The following PACRG variants were observed in gnomAD, a reference collection of about 807,000 sequenced individuals.
PACRG encodes the protein parkin coregulated.
A neutral mutation model predicts 29.7 loss-of-function variants in PACRG; 29 were observed. The observed-to-expected ratio is 0.98, with a 90% CI of 0.73 to 1.33. PACRG has a LOEUF of 1.33. Among genes scored for constraint, PACRG ranks in the 40% most tolerant of loss-of-function variants. The probability of loss-of-function intolerance (pLI) is 0.00; values close to 1 mark genes in which losing one functional copy is unlikely to be tolerated. For missense variants in PACRG, 279 were observed against 316.2 expected (o/e 0.88, Z 0.89); for synonymous variants, 116 against 118.7 (o/e 0.98, Z 0.15).
At chr6:162,735,687 A>G (rs1780113578) in intron 1 of PACRG, among the ~76,000 whole-genome samples, 2 of 151,914 alleles carry the variant, frequency 1.3e-5, no homozygotes, top group Non-Finnish European at 1.5e-5. Flanking sequence ...ACAGTTACCC[A>G]CTCTGTGAGT....
intron 2 of PACRG, among the ~76,000 whole-genome samples, chr6:163,026,600 T>C (rs1389939522): frequency 6.6e-6 from 1 of 152,216 alleles, no homozygotes; most frequent in Non-Finnish European, 1.5e-5. Flanking sequence ...AGGAGTCCGC[T>C]AAGGTCACCT....
chr6:163,271,743 C>G (rs749943507), intron 4 of PACRG, among the ~76,000 whole-genome samples: 1 of 152,142 alleles, frequency 6.6e-6, no homozygotes, highest in Non-Finnish European at 1.5e-5. Context: ...AAAGAATGTT[C>G]CTGGCAATTG....
chr6:162,732,900 C>G (rs537840690), intron 1 of PACRG, among the ~76,000 whole-genome samples: 7 of 152,218 alleles, frequency 4.6e-5, no homozygotes, highest in African/African-American at 1.2e-4. Flanking sequence ...TGATCTAATC[C>G]CATTCTGTGT....
At chr6:162,935,627 C>T (rs1162128560) in intron 2 of PACRG, among the ~76,000 whole-genome samples, 1 of 151,504 alleles carries the variant, frequency 6.6e-6, no homozygotes, top group Non-Finnish European at 1.5e-5. Context: ...TCTTCTGTAA[C>T]CTGTTGAGTT....
chr6:163,290,111 C>G (rs898825514), intron 4 of PACRG, among the ~76,000 whole-genome samples: 2 of 152,102 alleles, frequency 1.3e-5, no homozygotes, highest in Non-Finnish European at 2.9e-5. Flanking sequence ...CTGCCCACTT[C>G]GGCCTCCCAG....
chr6:162,728,342 C>G lies in PACRG; in HGVS notation c.107C>G (p.Ser36Cys). ...CCGCTCCCGGTGCACCAGCCTCACT[C>G]TCTGGTTTCTGAGGGTTTCACAGTC... The part of the protein sequence containing the change: ...QQPLPVHQPH[S>C]LVSEGFTVKA... The change falls in exon 1 of 5, where the codon TCT becomes TGT. Residue 36 changes from serine to cysteine, a missense_variant. By Grantham distance (112) the Ser-to-Cys change is moderately radical (BLOSUM62 -1). Transcript: ENST00000366888. 2 of 1,613,942 alleles carry G rather than the reference C, an allele frequency of 1.2e-6. No individual in the cohort carries two copies. The highest frequency in any genetic ancestry group is 1.7e-6 in the Non-Finnish European group (2 of 1,180,036).
chr6:163,063,305 G>T (rs900433577), intron 3 of PACRG, among the ~76,000 whole-genome samples: 2 of 152,082 alleles, frequency 1.3e-5, no homozygotes, highest in African/African-American at 4.8e-5. Flanking sequence ...ATGGCTTCGA[G>T]GGGTGAGGAG....
chr6:162,950,365 G>A (rs570361595), intron 2 of PACRG, among the ~76,000 whole-genome samples: 15 of 152,134 alleles, frequency 9.9e-5, no homozygotes, highest in South Asian at 8.3e-4. Flanking sequence ...AAAATTAGCC[G>A]GGCGTGGTGG....
At chr6:163,137,647 G>A (rs34489871) in intron 4 of PACRG, among the ~76,000 whole-genome samples, 32,628 of 152,064 alleles carry the variant, frequency 0.21, 3,597 homozygotes, top group African/African-American at 0.27. Flanking sequence ...CCACCCGGCC[G>A]CACTCCAAGT....
At position 163,274,738 on chromosome 6, in the gene PACRG, T is replaced by C. The variant is rs375291662; in HGVS notation, c.614-40089T>C. On this transcript the variant is annotated intron_variant, in intron 4 of 4. Coordinates refer to ENST00000366888, the MANE Select transcript of PACRG (RefSeq NM_001080379.2). ...TGATCACCGTTCTGTTGTTTTCTAT[T>C]CGTTCTATAATTTGGGACTGTACTT... 2.6e-5 allele frequency among the ~76,000 whole-genome samples: 4 copies of C among 152,224 alleles called. No individual in the cohort carries two copies. The South Asian group carries it at 6.2e-4, about 24-fold the overall frequency.
chr6:162,810,779 G>T (rs1383799399), intron 1 of PACRG, among the ~76,000 whole-genome samples: 1 of 152,124 alleles, frequency 6.6e-6, no homozygotes, highest in East Asian at 1.9e-4. Flanking sequence ...AAAAGAAAAA[G>T]TTTCAGGGAT....
intron 4 of PACRG, among the ~76,000 whole-genome samples, chr6:163,213,557 G>A (rs1389275857): frequency 2.0e-5 from 3 of 152,112 alleles, no homozygotes; most frequent in Admixed American, 6.6e-5. Context: ...GAACTATTTA[G>A]GTTCTTTTTG....
intron 4 of PACRG, among the ~76,000 whole-genome samples, chr6:163,122,214 A>G (rs1816312267): frequency 6.6e-6 from 1 of 151,968 alleles, no homozygotes; most frequent in South Asian, 2.1e-4. Flanking sequence ...ACAAATTCAC[A>G]AGTTCTTCTT....
intron 3 of PACRG, among the ~76,000 whole-genome samples, chr6:163,083,595 T>C (rs746902400): frequency 9.9e-5 from 15 of 152,232 alleles, no homozygotes; most frequent in Non-Finnish European, 1.9e-4. Context: ...TCAGATTTTC[T>C]GGGTTTCACA....
intron 2 of PACRG, among the ~76,000 whole-genome samples, chr6:162,963,185 AG>A (rs2128147266): frequency 6.6e-6 from 1 of 152,328 alleles, no homozygotes; most frequent in East Asian, 1.9e-4. Flanking sequence ...AGGTGAAGGC[AG>A]GTAGAGTAAT....
At chr6:162,740,365 C>T (rs1780484585) in intron 1 of PACRG, among the ~76,000 whole-genome samples, 1 of 151,338 alleles carries the variant, frequency 6.6e-6, no homozygotes, top group Non-Finnish European at 1.5e-5. Context: ...GGCTGGAGTG[C>T]AGTGGCGTGA....
chr6:163,240,062 A>G (rs1782429266), intron 4 of PACRG, among the ~76,000 whole-genome samples: 1 of 144,904 alleles, frequency 6.9e-6, no homozygotes, highest in African/African-American at 2.6e-5. Context: ...ATACACACAC[A>G]CTCACACCTC....
intron 2 of PACRG, among the ~76,000 whole-genome samples, chr6:162,966,035 T>C (rs1800993081): frequency 6.6e-6 from 1 of 152,212 alleles, no homozygotes; most frequent in African/African-American, 2.4e-5. Flanking sequence ...GATGAGTTGA[T>C]GTAGGTTTGG....
intron 4 of PACRG, among the ~76,000 whole-genome samples, chr6:163,141,058 A>T (rs1817131590): frequency 6.6e-6 from 1 of 152,182 alleles, no homozygotes; most frequent in Non-Finnish European, 1.5e-5. Context: ...TAAAGACAAC[A>T]AGAAAATATT....
Sources: allele counts gnomAD v4.1 joint callset (sites outside exome capture counted in the v4.1 genomes callset), GRCh38; gene constraint gnomAD v4.1.1; transcripts MANE v1.5; gene names NCBI Gene and HGNC (gene_info 2026-07-23, HGNC 2026-07-21).